Variants in ROBO2 observed in about 807,000 individuals in gnomAD.
The protein encoded by ROBO2 is roundabout homolog 2.
Under a neutral mutation model 160.8 loss-of-function variants are expected in ROBO2, and 53 were observed. The observed-to-expected ratio is 0.33, with a 90% CI of 0.26 to 0.41. The LOEUF is 0.41. Among genes scored for constraint, ROBO2 ranks in the 10% least tolerant of loss-of-function variants. ROBO2 has a pLI of 1.00. For missense variants in ROBO2, 1,577 were observed against 1,722.4 expected (o/e 0.92, Z 1.49); for synonymous variants, 664 against 611.7 (o/e 1.09, Z -1.26).
At chr3:77,440,434 A>T (rs2079793149) in intron 2 of ROBO2, among the ~76,000 whole-genome samples, 1 of 152,120 alleles carries the variant, frequency 6.6e-6, no homozygotes, top group Non-Finnish European at 1.5e-5. Context: ...AAATGTAAAG[A>T]TTTTGCATTT....
At chr3:76,639,639 C>G (rs2090543565) in intron 2 of ROBO2, among the ~76,000 whole-genome samples, 1 of 152,004 alleles carries the variant, frequency 6.6e-6, no homozygotes, top group South Asian at 2.1e-4. Context: ...AAGGGGGAAA[C>G]AAGGCTCAAG....
chr3:77,168,857 A>G (rs1307938551), intron 2 of ROBO2, among the ~76,000 whole-genome samples: 2 of 152,174 alleles, frequency 1.3e-5, no homozygotes, highest in Admixed American at 6.5e-5. Context: ...GAAGGACCAC[A>G]TGTAATGCCA....
At chr3:76,742,764 A>C (rs1376591912) in intron 2 of ROBO2, among the ~76,000 whole-genome samples, 1 of 152,010 alleles carries the variant, frequency 6.6e-6, no homozygotes, top group African/African-American at 2.4e-5. Context: ...ACAAAAAAAT[A>C]TGATTAGGAA....
chr3:77,431,565 A>G (rs1347362491), intron 2 of ROBO2, among the ~76,000 whole-genome samples: 4 of 152,266 alleles, frequency 2.6e-5, no homozygotes, highest in Admixed American at 2.0e-4. Context: ...CTGAAATGAC[A>G]TAGTCGCTGG....
exon 17 of ROBO2, chr3:77,588,787 A>G (rs1421901050): frequency 3.7e-6 from 6 of 1,613,518 alleles, no homozygotes; most frequent in Middle Eastern, 3.3e-4. Context: ...GAAAACAATA[A>G]CAGCATAACT....
At chr3:76,473,582 A>G (rs1425671451) in intron 2 of ROBO2, among the ~76,000 whole-genome samples, 3 of 152,182 alleles carry the variant, frequency 2.0e-5, no homozygotes, top group Non-Finnish European at 4.4e-5. Context: ...CAGAAAAAAT[A>G]TATTCACGTA....
chr3:76,934,139 C>T (rs2077529040), intron 2 of ROBO2, among the ~76,000 whole-genome samples: 1 of 150,436 alleles, frequency 6.6e-6, no homozygotes, highest in Non-Finnish European at 1.5e-5. Context: ...ATAGCTGACA[C>T]AAATTGCTTT....
At chr3:76,459,825 T>A (rs983683603) in intron 2 of ROBO2, among the ~76,000 whole-genome samples, 1 of 152,172 alleles carries the variant, frequency 6.6e-6, no homozygotes, top group African/African-American at 2.4e-5. Flanking sequence ...AAGGCCTTTT[T>A]ATCATTCATT....
intron 2 of ROBO2, among the ~76,000 whole-genome samples, chr3:75,951,546 A>G (rs6763698): frequency 0.44 from 66,335 of 151,928 alleles, 15,776 homozygotes; most frequent in South Asian, 0.66. Context: ...TATATATGAA[A>G]TGTTATTTAT....
chr3:76,041,477 A>G (rs1240482760), intron 2 of ROBO2, among the ~76,000 whole-genome samples: 2 of 152,004 alleles, frequency 1.3e-5, no homozygotes, highest in South Asian at 2.1e-4. Context: ...CTGCCCTCCC[A>G]CCTACATTGG....
chr3:76,514,859 A>T (rs2081271417), intron 2 of ROBO2, among the ~76,000 whole-genome samples: 1 of 152,112 alleles, frequency 6.6e-6, no homozygotes, highest in African/African-American at 2.4e-5. Context: ...GTTCACCTCC[A>T]TTTTTTCTTC....
intron 2 of ROBO2, among the ~76,000 whole-genome samples, chr3:76,568,026 G>A (rs1242822616): frequency 6.6e-6 from 1 of 151,028 alleles, no homozygotes; most frequent in Non-Finnish European, 1.5e-5. Context: ...TGTTGCCCAG[G>A]ATGGTCTCAA....
At chr3:77,084,123 AT>A (rs1488766063) in intron 1 of ROBO2, among the ~76,000 whole-genome samples, 2 of 151,958 alleles carry the variant, frequency 1.3e-5, no homozygotes, top group Non-Finnish European at 2.9e-5. Flanking sequence ...AAACTCAAAT[AT>A]TTTTTTCTGT....
intron 2 of ROBO2, among the ~76,000 whole-genome samples, chr3:77,452,154 A>G (rs574101712): frequency 2.0e-5 from 3 of 152,300 alleles, no homozygotes; most frequent in Admixed American, 2.0e-4. Context: ...ATTTTAAACA[A>G]GGAATAATTT....
At chr3:76,844,070 G>A (rs62261824) in intron 2 of ROBO2, among the ~76,000 whole-genome samples, 16,300 of 151,774 alleles carry the variant, frequency 0.11, 1,054 homozygotes, top group East Asian at 0.23. Flanking sequence ...GAAGCGTTCC[G>A]GTTCTTTGTT....
chr3:76,238,996 C>G (rs1576040217), intron 2 of ROBO2, among the ~76,000 whole-genome samples: 2 of 152,258 alleles, frequency 1.3e-5, no homozygotes, highest in African/African-American at 2.4e-5. Flanking sequence ...GTCCAAGGAC[C>G]AGCAGCATTG....
chr3:76,283,089 T>A (rs1465133338), intron 2 of ROBO2, among the ~76,000 whole-genome samples: 2 of 139,556 alleles, frequency 1.4e-5, no homozygotes, highest in Non-Finnish European at 3.1e-5. Context: ...GACTTTTAAA[T>A]AAAACATAAA....
At chr3:76,446,937 C>T (rs979264849) in intron 2 of ROBO2, among the ~76,000 whole-genome samples, 1 of 152,068 alleles carries the variant, frequency 6.6e-6, no homozygotes, top group African/African-American at 2.4e-5. Context: ...CCATAAAAAC[C>T]CTAGAAGAAA....
intron 2 of ROBO2, among the ~76,000 whole-genome samples, chr3:76,727,484 A>G (rs1335424372): frequency 6.6e-5 from 10 of 152,186 alleles, no homozygotes. Context: ...ATTGAGCCCT[A>G]ATATGTATTA....
Sources: gnomAD v4.1 joint callset for allele counts (sites outside exome capture counted in the v4.1 genomes callset) on GRCh38, gnomAD v4.1.1 for gene constraint, MANE v1.5 for transcripts, NCBI Gene and HGNC (gene_info 2026-07-23, HGNC 2026-07-21) for gene names.